GPR39: variants seen among roughly 807,000 people sequenced by gnomAD.
The protein encoded by GPR39 is G protein-coupled receptor 39.
GPR39 carries 23 observed loss-of-function variants against 18.4 expected under a neutral mutation model. The ratio of observed to expected loss-of-function variants is 1.25; its 90% CI spans 0.90 to 1.77. GPR39 has a LOEUF of 1.77. Ranked by LOEUF, GPR39 falls within the 40% of genes most tolerant of loss-of-function variation. The probability of loss-of-function intolerance (pLI) is 0.00; values close to 1 mark genes in which losing one functional copy is unlikely to be tolerated. For missense variants in GPR39, 647 were observed against 602.4 expected, an observed-to-expected ratio of 1.07 and a Z score of -0.78; for synonymous variants, 280 against 257.9, an observed-to-expected ratio of 1.09 and a Z score of -0.82.
At chr2:132,448,058 A>G (rs1285686890) in intron 1 of GPR39, among the ~76,000 whole-genome samples, 1 of 152,212 alleles carries the variant, frequency 6.6e-6, no homozygotes, top group Non-Finnish European at 1.5e-5. Flanking sequence ...TCATGATAGA[A>G]AAGTTTAGAA....
intron 1 of GPR39, among the ~76,000 whole-genome samples, chr2:132,527,286 C>T (rs564642611): frequency 1.3e-5 from 2 of 152,304 alleles, no homozygotes; most frequent in African/African-American, 4.8e-5. Context: ...TTTTCTATGG[C>T]TACATAGTAT....
At chr2:132,502,391 A>G (rs1679060200) in intron 1 of GPR39, among the ~76,000 whole-genome samples, 1 of 152,144 alleles carries the variant, frequency 6.6e-6, no homozygotes, top group Non-Finnish European at 1.5e-5. Context: ...TTTGGAGGCT[A>G]AAAATAGGAC....
intron 1 of GPR39, among the ~76,000 whole-genome samples, chr2:132,634,337 C>T (rs1159423025): frequency 2.0e-5 from 3 of 152,036 alleles, no homozygotes; most frequent in African/African-American, 2.4e-5. Flanking sequence ...ATCAGAAGCC[C>T]GAGGAGCCTG....
chr2:132,573,989 T>G (rs1330629237), intron 1 of GPR39, among the ~76,000 whole-genome samples: 2 of 152,270 alleles, frequency 1.3e-5, no homozygotes, highest in African/African-American at 4.8e-5. Context: ...TATAAATTTT[T>G]AATTGACATA....
At chr2:132,583,810 C>T (rs1339944125) in intron 1 of GPR39, among the ~76,000 whole-genome samples, 1 of 151,376 alleles carries the variant, frequency 6.6e-6, no homozygotes, top group Non-Finnish European at 1.5e-5. Flanking sequence ...GACACTTCAG[C>T]TGAGGCTGCA....
intron 1 of GPR39, among the ~76,000 whole-genome samples, chr2:132,458,912 A>G (rs1680784424): frequency 6.6e-6 from 1 of 152,160 alleles, no homozygotes; most frequent in African/African-American, 2.4e-5. Context: ...TTCTGCATAT[A>G]TGACATATCT....
intron 1 of GPR39, among the ~76,000 whole-genome samples, chr2:132,540,447 C>T (rs1034308123): frequency 6.6e-6 from 1 of 152,114 alleles, no homozygotes; most frequent in African/African-American, 2.4e-5. Context: ...TCTACTGACT[C>T]CTTGGTTTTT....
intron 1 of GPR39, among the ~76,000 whole-genome samples, chr2:132,490,727 G>A (rs1411996193): frequency 6.6e-6 from 1 of 151,266 alleles, no homozygotes; most frequent in Non-Finnish European, 1.5e-5. Context: ...AACAGGGTGA[G>A]GGAGGTAGGG....
At chr2:132,516,136 C>G (rs1679327430) in intron 1 of GPR39, among the ~76,000 whole-genome samples, 1 of 152,160 alleles carries the variant, frequency 6.6e-6, no homozygotes, top group South Asian at 2.1e-4. Context: ...CTGTGCCCAC[C>G]TCTTGCTCGC....
chr2:132,573,984 AT>A (rs1270282383), intron 1 of GPR39, among the ~76,000 whole-genome samples: 2 of 152,206 alleles, frequency 1.3e-5, no homozygotes, highest in African/African-American at 4.8e-5. Flanking sequence ...AGCACTATAA[AT>A]TTTTAATTGA....
intron 1 of GPR39, among the ~76,000 whole-genome samples, chr2:132,483,087 C>T (rs189304482): frequency 6.6e-6 from 1 of 152,102 alleles, no homozygotes. Flanking sequence ...TTTCTTAAGC[C>T]CTTTGTGAGT....
In GPR39 at chr2:132,567,975, T is replaced by G. The variant is rs556624679; in HGVS notation, c.857-77126T>G. Among the ~76,000 whole-genome samples the G allele has an allele frequency of 8.4e-4, 128 of 152,238 alleles. 1 individual carries two copies. Among genetic ancestry groups the G allele is most frequent in the African/African-American group, 2.9e-3 (121 of 41,476 alleles). On this transcript the variant is annotated intron_variant, in intron 1 of 1. Coordinates refer to ENST00000329321, the MANE Select transcript of GPR39 (RefSeq NM_001508.3). ...TGAGTCCTCCCCAGCCATGTGGAAC[T>G]GTAAGTCCAAGAGACTTCTTCCTTT... is the stretch of plus-strand genomic sequence containing the variant.
At chr2:132,549,850 G>T (rs556416035) in intron 1 of GPR39, among the ~76,000 whole-genome samples, 1 of 152,208 alleles carries the variant, frequency 6.6e-6, no homozygotes, top group South Asian at 2.1e-4. Flanking sequence ...TATAACGAAT[G>T]GCCTAGAACA....
chr2:132,609,676 C>G (rs568160013), intron 1 of GPR39, among the ~76,000 whole-genome samples: 1 of 152,178 alleles, frequency 6.6e-6, no homozygotes, highest in East Asian at 1.9e-4. Context: ...GGGGCAGAAT[C>G]ACTGCAGTCC....
At chr2:132,498,957 A>G (rs1681700136) in intron 1 of GPR39, among the ~76,000 whole-genome samples, 1 of 152,132 alleles carries the variant, frequency 6.6e-6, no homozygotes, top group Non-Finnish European at 1.5e-5. Context: ...GATTCTGGAT[A>G]TTAGTCCTTT....
intron 1 of GPR39, among the ~76,000 whole-genome samples, chr2:132,630,839 C>T (rs902699135): frequency 3.9e-5 from 6 of 152,128 alleles, no homozygotes; most frequent in Admixed American, 3.9e-4. Flanking sequence ...AACCTCAATG[C>T]ATGGCATTGG....
intron 1 of GPR39, among the ~76,000 whole-genome samples, chr2:132,444,014 G>T (rs893890267): frequency 2.6e-5 from 4 of 152,152 alleles, no homozygotes; most frequent in African/African-American, 9.7e-5. Context: ...GGTGGAGGTT[G>T]CAGTGAGCCA....
chr2:132,568,671 A>G (rs75969792), intron 1 of GPR39, among the ~76,000 whole-genome samples: 107 of 151,892 alleles, frequency 7.0e-4, no homozygotes, highest in Non-Finnish European at 1.2e-3. Context: ...GTGTCACTGC[A>G]CTCCAGTCTG....
At chr2:132,541,839 A>G (rs777527407) in intron 1 of GPR39, among the ~76,000 whole-genome samples, 6 of 152,226 alleles carry the variant, frequency 3.9e-5, no homozygotes, top group Non-Finnish European at 8.8e-5. Context: ...TTCAAACAGC[A>G]TAACATAGAC....
Sources: gnomAD v4.1 joint callset for allele counts (sites outside exome capture counted in the v4.1 genomes callset) on GRCh38, gnomAD v4.1.1 for gene constraint, MANE v1.5 for transcripts, NCBI Gene and HGNC (gene_info 2026-07-23, HGNC 2026-07-21) for gene names.